The following CACNA1H variants were observed in gnomAD, a reference collection of about 807,000 sequenced individuals.
CACNA1H encodes voltage-dependent T-type calcium channel subunit alpha-1H.
CACNA1H carries 149 observed loss-of-function variants against 192.5 expected under a neutral mutation model. That is an observed-to-expected ratio of 0.77 (90% CI 0.68 to 0.89). The LOEUF is 0.89. Ranked by LOEUF, CACNA1H falls within the 40% of genes least tolerant of loss-of-function variation. CACNA1H has a pLI of 0.00. For missense variants in CACNA1H, 4,257 were observed against 3,423.5 expected, an observed-to-expected ratio of 1.24 and a Z score of -6.08; for synonymous variants, 2,202 against 1,475.2, an observed-to-expected ratio of 1.49 and a Z score of -11.29.
chr16:1,183,546 C>A (rs543642956), intron 2 of CACNA1H, among the ~76,000 whole-genome samples: 3 of 152,244 alleles, frequency 2.0e-5, no homozygotes, highest in African/African-American at 7.2e-5. Context: ...TTGCCCTCCC[C>A]CTTCCCACCC....
chr16:1,200,944 G>C (rs1269548946), intron 8 of CACNA1H, 136 bp downstream of exon 8: 2 of 684,180 alleles, frequency 2.9e-6, no homozygotes, highest in Non-Finnish European at 5.1e-6. Context: ...GGGAGGCAGA[G>C]CTTGCGGGGG....
Position 1,220,180 on chromosome 16 carries a change from C to T in CACNA1H, c.6248C>T (p.Pro2083Leu), listed in dbSNP as rs759924732. Reference sequence around the variant, plus strand: ...GGACAGCGCTGCGTCTCCAGCCGGCCGGCGGCCCCAGGCGGAGAGGAGGCC... The same window carrying T: ...GGACAGCGCTGCGTCTCCAGCCGGCTGGCGGCCCCAGGCGGAGAGGAGGCC... ...TFGQRCVSSR[P>L]AAPGGEEAEA... Residue 2083 changes from proline (P) to leucine (L), a missense_variant, in exon 35 of 35, where the codon CCG becomes CTG. By Grantham distance (98) the Pro-to-Leu change is moderately conservative (BLOSUM62 -3). Transcript: ENST00000348261. The T allele has an allele frequency of 2.4e-5, 36 of 1,520,712 alleles. No individual in the cohort carries two copies. Among genetic ancestry groups the T allele is most frequent in the East Asian group, 1.2e-4 (5 of 40,550 alleles). The allele number at this position is 1,520,712 out of a possible 1,614,324, so 94.2% of individuals were successfully genotyped here.
At chr16:1,216,398 C>A (rs917183887) in intron 30 of CACNA1H, among the ~76,000 whole-genome samples, 1 of 152,244 alleles carries the variant, frequency 6.6e-6, no homozygotes, top group Admixed American at 6.5e-5. Flanking sequence ...GGAGGGTGCG[C>A]CGCCCAGCGG....
chr16:1,205,609 G>T (rs1297244787), intron 11 of CACNA1H, among the ~76,000 whole-genome samples: 3 of 152,240 alleles, frequency 2.0e-5, no homozygotes, highest in East Asian at 3.8e-4. Context: ...AGCTTAAAAG[G>T]CTGAATCCTG....
chr16:1,180,801 G>A lies in CACNA1H; in HGVS notation c.300-14171G>A, dbSNP rs1478615144. ...GGCCCCTTAGGTGAAGAGGACCAGA[G>A]TGAGGTCAGCCCTGGTCCACAGCCA... On this transcript the variant is annotated intron_variant, in intron 2 of 34. Transcript: ENST00000348261. This position sits in a 1 kb window ranked among gnomAD's most constrained non-coding sequence, Gnocchi z 4.4. 1.3e-5 allele frequency among the ~76,000 whole-genome samples: 2 copies of A among 152,278 alleles called. No homozygotes were observed. The highest frequency in any genetic ancestry group is 3.9e-4 in the East Asian group (2 of 5,176).
Position 1,214,968 on chromosome 16 carries a change from C to A in CACNA1H, c.4930-4C>A, listed in dbSNP as rs1418235388. ...CCTCAGCCAGCCCGACCCTCCACCCCCAGTCGCTGGACGAGGCCCTCAAGT... is the reference window on the plus strand; with the variant it reads ...CCTCAGCCAGCCCGACCCTCCACCCACAGTCGCTGGACGAGGCCCTCAAGT... On this transcript the variant is annotated splice_polypyrimidine_tract_variant and splice_region_variant and intron_variant, in intron 27 of 34. Transcript: ENST00000348261. The A allele has an allele frequency of 1.3e-6, 2 of 1,598,914 alleles. No homozygotes were observed. Among genetic ancestry groups the A allele is most frequent in the East Asian group, 2.3e-5 (1 of 44,346 alleles).
chr16:1,214,074 G>A (rs376438661), intron 27 of CACNA1H, 143 bp downstream of exon 27: 12 of 742,416 alleles, frequency 1.6e-5, no homozygotes, highest in South Asian at 3.6e-5. Flanking sequence ...GTGTGAACAC[G>A]GGTCTTTTAA....
chr16:1,220,182 G>A lies in CACNA1H; in HGVS notation c.6250G>A (p.Ala2084Thr). 1 of 1,520,874 alleles carries A rather than the reference G, an allele frequency of 6.6e-7. No homozygotes were observed. The allele number at this position is 1,520,874 out of a possible 1,614,324, so 94.2% of individuals were successfully genotyped here. The stretch of plus-strand genomic sequence containing the variant: ...ACAGCGCTGCGTCTCCAGCCGGCCG[G>A]CGGCCCCAGGCGGAGAGGAGGCCGA... Reference protein sequence around the residue: ...FGQRCVSSRPAAPGGEEAEAS... With the variant: ...FGQRCVSSRPTAPGGEEAEAS... Residue 2084 changes from alanine to threonine, a missense_variant, in exon 35 of 35, where the codon GCG (alanine) becomes ACG (threonine). Ala to Thr is a moderately conservative substitution (Grantham distance 58, BLOSUM62 0). Coordinates refer to ENST00000348261, the MANE Select transcript of CACNA1H (RefSeq NM_021098.3).
intron 30 of CACNA1H, 138 bp downstream of exon 30, chr16:1,215,731 TGTGCAGTGC>T: frequency 1.4e-6 from 1 of 713,398 alleles, no homozygotes; most frequent in Non-Finnish European, 2.4e-6. Context: ...GTCCCTGCTG[TGTGCAGTGC>T]ATGGCTTGGC....
chr16:1,177,473 C>A (rs897075260), intron 2 of CACNA1H, among the ~76,000 whole-genome samples: 2 of 152,180 alleles, frequency 1.3e-5, no homozygotes, highest in African/African-American at 4.8e-5. Context: ...CTCACGGTCA[C>A]ACGTCTGTCA....
At chr16:1,202,933 G>T (rs560104876) in intron 9 of CACNA1H, among the ~76,000 whole-genome samples, 1 of 152,068 alleles carries the variant, frequency 6.6e-6, no homozygotes, top group Non-Finnish European at 1.5e-5. Flanking sequence ...AGAGGCTGGC[G>T]TGGGGTTCTC....
At chr16:1,215,999 T>C (rs1384989219) in intron 30 of CACNA1H, among the ~76,000 whole-genome samples, 1 of 151,712 alleles carries the variant, frequency 6.6e-6, no homozygotes, top group East Asian at 2.0e-4. Flanking sequence ...CCCTGCTTCC[T>C]GTGCCCCTGG....
In CACNA1H at chr16:1,221,151, A is replaced by G. The variant is rs923599689; in HGVS notation, c.*157A>G. 2.2e-5 allele frequency: 13 copies of G among 589,594 alleles called. No homozygotes were observed. Among genetic ancestry groups the G allele is most frequent in the Middle Eastern group, 4.5e-4 (1 of 2,220 alleles). 36.5% of individuals were successfully genotyped at this position (589,594 alleles called of 1,614,324 possible). On this transcript the variant is annotated 3_prime_UTR_variant, in exon 35 of 35. Transcript: ENST00000348261. ...CGGCCCAGGCCCTGGTTCTCTGCCC[A>G]GCGAAGCAGGAGTAGCTGCCGGGCC...
At chr16:1,212,365 C>A in intron 25 of CACNA1H, 146 bp from the exon 26 acceptor site, 1 of 1,028,466 alleles carries the variant, frequency 9.7e-7, no homozygotes, top group Non-Finnish European at 1.4e-6. Flanking sequence ...ATCCCCAGCG[C>A]CCAAGAGGCA....
chr16:1,181,486 G>A (rs1965461162), intron 2 of CACNA1H, among the ~76,000 whole-genome samples: 1 of 152,246 alleles, frequency 6.6e-6, no homozygotes, highest in South Asian at 2.1e-4. Flanking sequence ...GTCCTTGCCG[G>A]TGTGGCTGCA....
intron 16 of CACNA1H, 49 bp from the exon 17 acceptor site, chr16:1,208,983 C>A (rs183599764): frequency 4.3e-6 from 6 of 1,405,142 alleles, no homozygotes; most frequent in Admixed American, 2.9e-5. Flanking sequence ...TGACAGCGGT[C>A]GGTGCTAATA....
In CACNA1H at chr16:1,211,227, G is replaced by A. The variant is rs1969408353; in HGVS notation, c.4283G>A (p.Arg1428Lys). 10 of 1,612,972 alleles carry A rather than the reference G, an allele frequency of 6.2e-6. No homozygotes were observed. Among genetic ancestry groups the A allele is most frequent in the Non-Finnish European group, 8.5e-6 (10 of 1,179,772 alleles). The change falls in exon 22 of 35, where the codon AGG (arginine) becomes AAG (lysine). Residue 1428 changes from arginine (R) to lysine (K), a missense_variant. Physicochemically the swap from Arg to Lys is conservative, Grantham distance 26 (BLOSUM62 2). Transcript: ENST00000348261. Reference sequence around the variant, plus strand: ...GTGGAGACGCTGATATCATCACTCAGGCCCATTGGGAACATCGTCCTCATC... The same window carrying A: ...GTGGAGACGCTGATATCATCACTCAAGCCCATTGGGAACATCGTCCTCATC... Reference protein sequence around the residue: ...LVVETLISSLRPIGNIVLICC... With the variant: ...LVVETLISSLKPIGNIVLICC...
chr16:1,177,905 C>T (rs1251648793), intron 2 of CACNA1H, among the ~76,000 whole-genome samples: 1 of 151,948 alleles, frequency 6.6e-6, no homozygotes, highest in Non-Finnish European at 1.5e-5. Flanking sequence ...GTCTGAACTC[C>T]ATGGGGACAC....
rs1371918263 is a variant in CACNA1H, at chr16:1,219,185, G to A, written c.6048+55G>A. On this transcript the variant is annotated intron_variant, in intron 34 of 34. Transcript: ENST00000348261. ...GCTGGCGGGGATGGGGGGCTTGCAG[G>A]GATGCCTCGTCTCATCTGAAGGACC... The A allele has an allele frequency of 2.1e-6, 3 of 1,449,570 alleles. No individual in the cohort carries two copies. The African/African-American group carries it at 4.2e-5, about 20-fold the overall frequency. The allele number at this position is 1,449,570 out of a possible 1,614,324, so 89.8% of individuals were successfully genotyped here.
Sources: gnomAD v4.1 joint callset for allele counts (sites outside exome capture counted in the v4.1 genomes callset) on GRCh38, gnomAD v4.1.1 for gene constraint, Gnocchi (gnomAD v3.1) non-coding constraint, MANE v1.5 for transcripts, NCBI Gene and HGNC (gene_info 2026-07-23, HGNC 2026-07-21) for gene names.